USP34: variants seen among roughly 807,000 people sequenced by gnomAD.
USP34 encodes ubiquitin specific peptidase 34, also known as ubiquitin carboxyl-terminal hydrolase 34.
A neutral mutation model predicts 460.3 loss-of-function variants in USP34; 70 were observed. The observed-to-expected ratio is 0.15, with a 90% CI of 0.13 to 0.19. The LOEUF is 0.19. Ranked by LOEUF, USP34 falls within the 10% of genes least tolerant of loss-of-function variation. USP34 has a pLI of 1.00. For synonymous variants in USP34, 1,647 were observed against 1,405.3 expected (o/e 1.17, Z -3.85); for missense variants, 3,985 against 4,236.2 (o/e 0.94, Z 1.65).
At position 61,470,583 on chromosome 2, in the gene USP34, G is replaced by T. The variant is rs1476456554; in HGVS notation, c.43+67C>A. 3.5e-6 allele frequency: 4 copies of T among 1,138,328 alleles called. No homozygotes were observed. In the Admixed American group the frequency reaches 8.0e-5, roughly 23 times the overall value. 70.5% of individuals were successfully genotyped at this position (1,138,328 alleles called of 1,614,324 possible). A position where few individuals can be genotyped will look rare whatever the true frequency, so the allele number is the denominator to read the frequency against. On this transcript the variant is annotated intron_variant, in intron 1 of 79. Coordinates refer to ENST00000398571, the MANE Select transcript of USP34 (RefSeq NM_014709.4). ...CTCCCGCAGGCCGCGGCAGCCCGGGGAGGCCAGAGAGCTGCGCGAGGACCC... is the reference window on the plus strand; with the variant it reads ...CTCCCGCAGGCCGCGGCAGCCCGGGTAGGCCAGAGAGCTGCGCGAGGACCC...
chr2:61,465,962 A>G (rs1695749962), intron 1 of USP34, among the ~76,000 whole-genome samples: 1 of 151,932 alleles, frequency 6.6e-6, no homozygotes. Flanking sequence ...GGGTGACAGA[A>G]CAAGACTCTG....
chr2:61,412,828 G>A (rs974960830), intron 2 of USP34, among the ~76,000 whole-genome samples: 8 of 146,550 alleles, frequency 5.5e-5, no homozygotes, highest in South Asian at 2.2e-4. Flanking sequence ...AGTCGAGGCC[G>A]CAGTGAGCCA....
chr2:61,373,989 T>C (rs970059564), intron 8 of USP34, among the ~76,000 whole-genome samples: 3 of 151,974 alleles, frequency 2.0e-5, no homozygotes, highest in Non-Finnish European at 4.4e-5. Flanking sequence ...ACCCTGTCTC[T>C]AATGAAAAAT....
At chr2:61,232,706 C>T (rs1202376217) in intron 57 of USP34, among the ~76,000 whole-genome samples, 174 bp from the exon 58 acceptor site, 1 of 152,000 alleles carries the variant, frequency 6.6e-6, no homozygotes, top group Non-Finnish European at 1.5e-5. Flanking sequence ...TAAGGGTTAC[C>T]TCATTACACA....
chr2:61,331,261 T>A lies in USP34; in HGVS notation c.2930+15A>T, dbSNP rs775201976. The A allele has an allele frequency of 6.3e-7, 1 of 1,595,086 alleles. No homozygotes were observed. The highest frequency in any genetic ancestry group is 1.1e-5 in the South Asian group (1 of 88,518). The stretch of plus-strand genomic sequence containing the variant: ...ATCGACACAAATGTATTTAACCCAG[T>A]TGAGAGGTACTTACAGTGCATGTTT... On this transcript the variant is annotated intron_variant, in intron 20 of 79. Transcript: ENST00000398571.
intron 22 of USP34, among the ~76,000 whole-genome samples, chr2:61,318,393 G>A (rs1204154938): frequency 1.3e-5 from 2 of 152,024 alleles, no homozygotes; most frequent in Non-Finnish European, 2.9e-5. Flanking sequence ...TACAGTTTTT[G>A]TTAAAGTCAG....
chr2:61,467,766 G>A (rs1042753801), intron 1 of USP34, among the ~76,000 whole-genome samples: 2 of 151,440 alleles, frequency 1.3e-5, no homozygotes, highest in African/African-American at 4.9e-5. Context: ...GACTACAGAT[G>A]CCTACACCAC....
At chr2:61,268,917 G>A (rs1381377143) in intron 41 of USP34, among the ~76,000 whole-genome samples, 1 of 151,982 alleles carries the variant, frequency 6.6e-6, no homozygotes, top group Admixed American at 6.6e-5. Context: ...GTATATTTAT[G>A]CTCCTTCAAT....
intron 27 of USP34, among the ~76,000 whole-genome samples, chr2:61,309,648 G>C (rs1450014475): frequency 2.6e-5 from 4 of 152,122 alleles, no homozygotes; most frequent in Non-Finnish European, 1.5e-5. Context: ...CCTACTGCTT[G>C]AATCAGTAGA....
intron 10 of USP34, among the ~76,000 whole-genome samples, chr2:61,368,249 T>G (rs144226663): frequency 6.6e-6 from 1 of 152,274 alleles, no homozygotes; most frequent in Non-Finnish European, 1.5e-5. Context: ...TTGGCCAACA[T>G]GGTGAAACCC....
At chr2:61,267,232 A>G (rs896925455) in intron 41 of USP34, among the ~76,000 whole-genome samples, 1 of 152,156 alleles carries the variant, frequency 6.6e-6, no homozygotes, top group African/African-American at 2.4e-5. Flanking sequence ...AGCCATGAGT[A>G]TAACTATATG....
chr2:61,376,818 A>G (rs1479450048), intron 8 of USP34, among the ~76,000 whole-genome samples: 1 of 152,074 alleles, frequency 6.6e-6, no homozygotes, highest in Non-Finnish European at 1.5e-5. Context: ...TAATTTTTGT[A>G]TTTACAGTAG....
chr2:61,370,477 G>T, intron 9 of USP34, 21 bp downstream of exon 9: 2 of 1,613,252 alleles, frequency 1.2e-6, no homozygotes, highest in Non-Finnish European at 1.7e-6. Flanking sequence ...GAACAGAGAA[G>T]TTATGTAATC....
rs73932691 is a variant in USP34, at chr2:61,194,099, G to C, written c.9509-1119C>G. The C allele has an allele frequency of 7.1e-6, 7 of 985,232 alleles. No individual in the cohort carries two copies. In the African/African-American group the frequency reaches 1.2e-4, roughly 17 times the overall value. The allele number at this position is 985,232 out of a possible 1,614,324, so 61.0% of individuals were successfully genotyped here. The stretch of plus-strand genomic sequence containing the variant: ...CATGTGGGTTGTAATTTGCCAAACC[G>C]TGGGTTAGACCAAGGACTTGAGAAC... On this transcript the variant is annotated intron_variant, in intron 75 of 79. Transcript: ENST00000398571.
intron 7 of USP34, 50 bp downstream of exon 7, chr2:61,380,119 G>C: frequency 1.9e-6 from 3 of 1,539,202 alleles, no homozygotes; most frequent in Non-Finnish European, 2.7e-6. Flanking sequence ...TATTATGATA[G>C]ACCAGAAAAC....
intron 10 of USP34, among the ~76,000 whole-genome samples, chr2:61,365,000 T>A (rs1488053622): frequency 6.6e-6 from 1 of 151,794 alleles, no homozygotes; most frequent in African/African-American, 2.4e-5. Context: ...ATGCCTATAA[T>A]CCCAGCAATT....
At chr2:61,205,144 G>A (rs1687081239) in intron 72 of USP34, among the ~76,000 whole-genome samples, 1 of 152,168 alleles carries the variant, frequency 6.6e-6, no homozygotes, top group Non-Finnish European at 1.5e-5. Context: ...ACAGGCATGA[G>A]CCAGCCCAGA....
chr2:61,194,609 AC>A (rs1343964451), intron 75 of USP34, among the ~76,000 whole-genome samples: 9 of 152,184 alleles, frequency 5.9e-5, no homozygotes, highest in Admixed American at 5.9e-4. Flanking sequence ...AGTGATCCTT[AC>A]ACCTTAGCCT....
chr2:61,236,902 T>G (rs1221486710), intron 53 of USP34, among the ~76,000 whole-genome samples: 2 of 152,226 alleles, frequency 1.3e-5, no homozygotes, highest in African/African-American at 4.8e-5. Flanking sequence ...TTTTGTCAGT[T>G]CTATAAAACT....
Sources: gnomAD v4.1 joint callset for allele counts (sites outside exome capture counted in the v4.1 genomes callset) on GRCh38, gnomAD v4.1.1 for gene constraint, MANE v1.5 for transcripts, NCBI Gene and HGNC (gene_info 2026-07-23, HGNC 2026-07-21) for gene names.